The following PRIM2 variants were observed in gnomAD, a reference collection of about 807,000 sequenced individuals.
The protein encoded by PRIM2 is DNA primase large subunit.
Under a neutral mutation model 67.3 loss-of-function variants are expected in PRIM2, and 39 were observed. That is an observed-to-expected ratio of 0.58 (90% CI 0.45 to 0.76). The LOEUF (loss-of-function observed/expected upper bound fraction) is 0.76. Ranked by LOEUF, PRIM2 falls within the 30% of genes least tolerant of loss-of-function variation. The probability of loss-of-function intolerance (pLI) is 0.00; values close to 1 mark genes in which losing one functional copy is unlikely to be tolerated. For synonymous variants in PRIM2, 143 were observed against 198.7 expected, an observed-to-expected ratio of 0.72 and a Z score of 2.36; for missense variants, 398 against 598.7, an observed-to-expected ratio of 0.66 and a Z score of 3.50.
the PRIM2 span, among the ~76,000 whole-genome samples, chr6:57,280,950 A>G: frequency 1.3e-5 from 2 of 151,684 alleles, no homozygotes; most frequent in East Asian, 1.9e-4. Context: ...CTCTTCCCCC[A>G]TCCCTCCTGG....
chr6:57,421,740 T>G (rs1371939341), intron 7 of PRIM2, among the ~76,000 whole-genome samples: 1 of 152,208 alleles, frequency 6.6e-6, no homozygotes, highest in Non-Finnish European at 1.5e-5. Context: ...TGACTATTGG[T>G]GGTTAGAGTC....
chr6:57,575,130 C>A (rs1338191003), intron 10 of PRIM2, among the ~76,000 whole-genome samples: 1 of 152,222 alleles, frequency 6.6e-6, no homozygotes, highest in African/African-American at 2.4e-5. Context: ...TGGCCCAGAC[C>A]AATCTCCTGG....
chr6:57,433,957 T>C (rs1393750110), intron 7 of PRIM2, among the ~76,000 whole-genome samples: 1 of 146,508 alleles, frequency 6.8e-6, no homozygotes, highest in Admixed American at 7.0e-5. Flanking sequence ...AGAGTTTCGC[T>C]CTTGTTGCCC....
At chr6:57,503,845 T>C (rs1187827193) in intron 7 of PRIM2, among the ~76,000 whole-genome samples, 1 of 152,138 alleles carries the variant, frequency 6.6e-6, no homozygotes, top group Admixed American at 6.5e-5. Context: ...AAACCCTTGG[T>C]AAAGCATCAG....
chr6:57,326,617 A>G (rs1767869652), intron 5 of PRIM2, among the ~76,000 whole-genome samples: 1 of 152,002 alleles, frequency 6.6e-6, no homozygotes, highest in African/African-American at 2.4e-5. Flanking sequence ...GCTAGTCAGG[A>G]GGCTAAGGCA....
intron 13 of PRIM2, among the ~76,000 whole-genome samples, chr6:57,640,949 A>AG (rs1257026244): frequency 6.6e-6 from 1 of 150,484 alleles, no homozygotes; most frequent in Non-Finnish European, 1.5e-5. Context: ...AACAAAAAAA[A>AG]AACAACGCTA....
intron 10 of PRIM2, among the ~76,000 whole-genome samples, chr6:57,567,103 T>G (rs1339103688): frequency 6.6e-6 from 1 of 152,156 alleles, no homozygotes; most frequent in African/African-American, 2.4e-5. Flanking sequence ...ATACCTTTAC[T>G]TCTACCAGTC....
At chr6:57,627,778 G>A (rs1776977932) in intron 12 of PRIM2, among the ~76,000 whole-genome samples, 1 of 152,160 alleles carries the variant, frequency 6.6e-6, no homozygotes, top group Admixed American at 6.5e-5. Flanking sequence ...ACTTTATCTG[G>A]AAATACTGGC....
intron 7 of PRIM2, among the ~76,000 whole-genome samples, chr6:57,439,193 T>C (rs1194417497): frequency 2.0e-5 from 3 of 152,142 alleles, no homozygotes; most frequent in Non-Finnish European, 1.5e-5. Flanking sequence ...TTGAAGACTT[T>C]AGATATTTTG....
intron 3 of PRIM2, 139 bp downstream of exon 3, chr6:57,320,699 A>G: frequency 1.8e-6 from 1 of 559,946 alleles, no homozygotes; most frequent in Non-Finnish European, 3.2e-6. Flanking sequence ...TCTTCAGTGT[A>G]TTAGGGGTGA....
At chr6:57,518,893 G>T (rs1429909522) in intron 8 of PRIM2, among the ~76,000 whole-genome samples, 1 of 151,946 alleles carries the variant, frequency 6.6e-6, no homozygotes, top group East Asian at 1.9e-4. Context: ...CTTATTATCG[G>T]GGAACCTGCC....
the PRIM2 span, among the ~76,000 whole-genome samples, chr6:57,307,837 A>T: frequency 1.3e-5 from 2 of 152,026 alleles, no homozygotes; most frequent in African/African-American, 4.8e-5. Flanking sequence ...CTTTTAATTG[A>T]CCTAACCTAA....
At chr6:57,424,863 A>G (rs2127374673) in intron 7 of PRIM2, among the ~76,000 whole-genome samples, 2 of 152,368 alleles carry the variant, frequency 1.3e-5, no homozygotes, top group South Asian at 4.1e-4. Flanking sequence ...ACTAAAATAT[A>G]TTATTAAATG....
At chr6:57,261,893 C>T in the PRIM2 span, among the ~76,000 whole-genome samples, 1 of 152,188 alleles carries the variant, frequency 6.6e-6, no homozygotes, top group East Asian at 1.9e-4. Flanking sequence ...CCTTCTATTG[C>T]TGGTCTCTGG....
chr6:57,443,509 G>A (rs1031961188), intron 7 of PRIM2, among the ~76,000 whole-genome samples: 1 of 152,094 alleles, frequency 6.6e-6, no homozygotes, highest in African/African-American at 2.4e-5. Flanking sequence ...TAGTGAAGTT[G>A]AACATTTTTT....
intron 12 of PRIM2, among the ~76,000 whole-genome samples, chr6:57,625,811 T>G (rs1227563442): frequency 1.3e-5 from 2 of 152,312 alleles, no homozygotes; most frequent in South Asian, 2.1e-4. Context: ...ACATCTTCAA[T>G]AGAGGGAAAC....
chr6:57,568,605 C>T (rs2079094379), intron 10 of PRIM2, among the ~76,000 whole-genome samples: 2 of 152,316 alleles, frequency 1.3e-5, no homozygotes, highest in South Asian at 4.1e-4. Flanking sequence ...GTAATCATGG[C>T]TTTTCTATTT....
At chr6:57,366,934 T>C (rs12527862) in intron 5 of PRIM2, among the ~76,000 whole-genome samples, 576 of 130,182 alleles carry the variant, frequency 4.4e-3, no homozygotes, top group Middle Eastern at 0.015. Flanking sequence ...TACCTATTTT[T>C]TTTCAAAAAT....
chr6:57,555,372 C>T (rs1419728374), intron 10 of PRIM2, among the ~76,000 whole-genome samples: 1 of 152,100 alleles, frequency 6.6e-6, no homozygotes, highest in African/African-American at 2.4e-5. Context: ...CTCCACCTCC[C>T]AGCTATGAGC....
Sources: allele counts gnomAD v4.1 joint callset (sites outside exome capture counted in the v4.1 genomes callset), GRCh38; gene constraint gnomAD v4.1.1; transcripts MANE v1.5; gene names NCBI Gene and HGNC (gene_info 2026-07-23, HGNC 2026-07-21).